Variants in DDX47 observed in about 807,000 individuals in gnomAD.
DDX47 encodes DEAD-box helicase 47.
Under a neutral mutation model 58.8 loss-of-function variants are expected in DDX47, and 60 were observed. That is an observed-to-expected ratio of 1.02 (90% CI 0.83 to 1.26). DDX47 has a LOEUF of 1.26. DDX47 is among the 50% of genes most tolerant of loss of function. DDX47 has a pLI of 0.00. For synonymous variants in DDX47, 197 were observed against 204.6 expected (o/e 0.96, Z 0.32); for missense variants, 530 against 573.2 (o/e 0.92, Z 0.77).
At chr12:12,814,529 G>A in intron 2 of DDX47, 1 of 295,936 alleles carries the variant, frequency 3.4e-6, no homozygotes, top group Non-Finnish European at 6.5e-6. Flanking sequence ...CTTAGGGAAG[G>A]ATGCCTGGAA....
chr12:12,824,186 G>A (rs1863016060), intron 8 of DDX47, 170 bp downstream of exon 8: 1 of 797,572 alleles, frequency 1.3e-6, no homozygotes, highest in African/African-American at 1.7e-5. Flanking sequence ...CTCCTTTCAG[G>A]GTAGCGAGAG....
intron 2 of DDX47, among the ~76,000 whole-genome samples, chr12:12,820,111 T>TA (rs1373893103): frequency 6.6e-6 from 1 of 152,222 alleles, no homozygotes; most frequent in African/African-American, 2.4e-5. Flanking sequence ...GCCACTGTGG[T>TA]AGTGCATAGC....
chr12:12,821,063 CT>C, intron 2 of DDX47, 144 bp from the exon 3 acceptor site: 1 of 793,192 alleles, frequency 1.3e-6, no homozygotes, highest in East Asian at 2.7e-5. Context: ...GAGGCCATGT[CT>C]TTTCTGTTTA....
intron 8 of DDX47, 111 bp downstream of exon 8, chr12:12,824,127 A>G (rs992734145): frequency 7.5e-7 from 1 of 1,325,668 alleles, no homozygotes; most frequent in Non-Finnish European, 1.0e-6. Context: ...TGTTTCCATA[A>G]TTGTTGTAAT....
At chr12:12,828,722 G>T (rs1863090442) in intron 11 of DDX47, among the ~76,000 whole-genome samples, 1 of 152,164 alleles carries the variant, frequency 6.6e-6, no homozygotes, top group Non-Finnish European at 1.5e-5. Flanking sequence ...ATACAGAAAG[G>T]ATTAAAGTAG....
intron 11 of DDX47, among the ~76,000 whole-genome samples, 174 bp downstream of exon 11, chr12:12,827,549 C>T (rs1366906282): frequency 5.9e-5 from 9 of 152,166 alleles, no homozygotes; most frequent in Admixed American, 5.9e-4. Flanking sequence ...ACCATACAAC[C>T]AAATGGTTGA....
chr12:12,826,281 A>G, intron 10 of DDX47: 2 of 398,758 alleles, frequency 5.0e-6, no homozygotes, highest in Non-Finnish European at 9.0e-6. Flanking sequence ...CTAGTATAGT[A>G]TTTGGCATGT....
In DDX47 at chr12:12,824,012, G is replaced by A; in HGVS notation, c.893G>A (p.Ser298Asn). The A allele has an allele frequency of 6.2e-7, 1 of 1,613,514 alleles. No homozygotes were observed. Among genetic ancestry groups the A allele is most frequent in the Non-Finnish European group, 8.5e-7 (1 of 1,179,774 alleles). Residue 298 changes from serine (S) to asparagine (N), a missense_variant, in exon 8 of 12, where the codon AGT becomes AAT. Physicochemically the swap from Ser to Asn is conservative, Grantham distance 46. Coordinates refer to ENST00000358007, the MANE Select transcript of DDX47 (RefSeq NM_016355.4). ...GCCATCCCCCTCCATGGACAAATGA[G>A]TCAGGTAAGGATTCATCATCATCAT... ...FTAIPLHGQMSQSKRLGSLNK... is the reference protein window; with the variant it reads ...FTAIPLHGQMNQSKRLGSLNK...
At chr12:12,824,437 C>T in intron 8 of DDX47, 103 bp from the exon 9 acceptor site, 2 of 1,373,120 alleles carry the variant, frequency 1.5e-6, no homozygotes, top group Non-Finnish European at 2.0e-6. Context: ...GGGGAAAAAC[C>T]TTTAAAAAAT....
intron 2 of DDX47, among the ~76,000 whole-genome samples, chr12:12,819,455 A>G (rs1310891530): frequency 5.3e-5 from 8 of 151,562 alleles, no homozygotes; most frequent in South Asian, 4.2e-4. Context: ...AGTCTCATCG[A>G]TTATTCTGAA....
At chr12:12,824,171 A>G in intron 8 of DDX47, 155 bp downstream of exon 8, 1 of 937,550 alleles carries the variant, frequency 1.1e-6, no homozygotes, top group Non-Finnish European at 1.6e-6. Flanking sequence ...CTAGATACTT[A>G]CTTTCTCCTT....
At chr12:12,825,894 A>C in intron 9 of DDX47, 106 bp from the exon 10 acceptor site, 1 of 804,058 alleles carries the variant, frequency 1.2e-6, no homozygotes, top group South Asian at 2.1e-5. Context: ...ATGTTACGAA[A>C]TGAATCTATT....
intron 11 of DDX47, among the ~76,000 whole-genome samples, chr12:12,827,787 A>G (rs544692421): frequency 6.6e-6 from 1 of 152,142 alleles, no homozygotes; most frequent in African/African-American, 2.4e-5. Context: ...AGAGAAGCCA[A>G]TATAAACTAC....
Position 12,829,651 on chromosome 12 carries a change from A to G in DDX47, c.*97A>G. ...GATCATGAGACTGAAATTGGTCAGA[A>G]TTGTGTCCAGAATGTGCTCAGCTAA... On this transcript the variant is annotated 3_prime_UTR_variant, in exon 12 of 12. Transcript: ENST00000358007. 1 of 1,453,392 alleles carries G rather than the reference A, an allele frequency of 6.9e-7. No homozygotes were observed. 90.0% of individuals were successfully genotyped at this position (1,453,392 alleles called of 1,614,324 possible).
At chr12:12,822,597 TAG>T (rs1461381716) in intron 5 of DDX47, 62 bp from the exon 6 acceptor site, 3 of 1,374,390 alleles carry the variant, frequency 2.2e-6, no homozygotes, top group Non-Finnish European at 3.1e-6. Context: ...CTTCACTACC[TAG>T]AGGATTTGCA....
At position 12,823,321 on chromosome 12, in the gene DDX47, TA is replaced by T; in HGVS notation, c.750+6del. 1 of 1,504,688 alleles carries T rather than the reference TA, an allele frequency of 6.6e-7. No individual in the cohort carries two copies. The highest frequency in any genetic ancestry group is 9.3e-7 in the Non-Finnish European group (1 of 1,080,494). The allele number at this position is 1,504,688 out of a possible 1,614,324, so 93.2% of individuals were successfully genotyped here. A position where few individuals can be genotyped will look rare whatever the true frequency, so the allele number is the denominator to read the frequency against. ...ATTTTTATTCCCTCTAAATTCAAGGTAAAATGTTTACTTTGATCATTCCTGC... is the reference window on the plus strand; with the variant it reads ...ATTTTTATTCCCTCTAAATTCAAGGTAAATGTTTACTTTGATCATTCCTGC... On this transcript the variant is annotated splice_donor_region_variant and intron_variant, in intron 7 of 11. Transcript: ENST00000358007.
chr12:12,814,436 T>C, intron 2 of DDX47: 1 of 484,948 alleles, frequency 2.1e-6, no homozygotes, highest in East Asian at 3.9e-5. Context: ...CTGCCACAGA[T>C]GCTGACTTTA....
At chr12:12,818,872 A>G (rs1166764177) in intron 2 of DDX47, among the ~76,000 whole-genome samples, 1 of 152,150 alleles carries the variant, frequency 6.6e-6, no homozygotes, top group Non-Finnish European at 1.5e-5. Context: ...ATTCACTACC[A>G]TGAGAACAGT....
chr12:12,827,371 G>A lies in DDX47; in HGVS notation c.1232G>A (p.Arg411Gln), dbSNP rs373273540. The A allele has an allele frequency of 5.8e-5, 93 of 1,613,954 alleles. No homozygotes were observed. Among genetic ancestry groups the A allele is most frequent in the South Asian group, 4.1e-4 (37 of 91,018 alleles). The change falls in exon 11 of 12, where the codon CGA becomes CAA. Residue 411 changes from arginine to glutamine, a missense_variant. Transcript: ENST00000358007. ...GTCGCTGAAGCCCAAAGGTTTGCCC[G>A]AATGGTATGCATCTTTCTTTTCTCA... ...ERVAEAQRFA[R>Q]MELREHGEKK...
Sources: gnomAD v4.1 joint callset for allele counts (sites outside exome capture counted in the v4.1 genomes callset) on GRCh38, gnomAD v4.1.1 for gene constraint, MANE v1.5 for transcripts, NCBI Gene and HGNC (gene_info 2026-07-23, HGNC 2026-07-21) for gene names.